Variants in TRPC4AP observed in about 807,000 individuals in gnomAD.
TRPC4AP encodes transient receptor potential cation channel subfamily C member 4 associated protein, also known as short transient receptor potential channel 4-associated protein.
TRPC4AP carries 45 observed loss-of-function variants against 99.0 expected under a neutral mutation model. That is an observed-to-expected ratio of 0.45 (90% CI 0.36 to 0.58). TRPC4AP has a LOEUF of 0.58. Among genes scored for constraint, TRPC4AP ranks in the 20% least tolerant of loss-of-function variants. TRPC4AP has a pLI of 0.00. For missense variants in TRPC4AP, 879 were observed against 985.3 expected (o/e 0.89, Z 1.44); for synonymous variants, 408 against 385.8 (o/e 1.06, Z -0.67).
chr20:35,068,325 C>G (rs963933822), intron 3 of TRPC4AP, among the ~76,000 whole-genome samples: 6 of 152,172 alleles, frequency 3.9e-5, no homozygotes, highest in African/African-American at 1.4e-4. Context: ...ACTGACAAAA[C>G]TTCTTAGGTA....
rs2082515123 is a variant in TRPC4AP, at chr20:35,006,327, C to T, written c.1827+108G>A. 5 of 1,339,326 alleles carry T rather than the reference C, an allele frequency of 3.7e-6. No individual in the cohort carries two copies. The South Asian group carries it at 5.3e-5, about 14-fold the overall frequency. 83.0% of individuals were successfully genotyped at this position (1,339,326 alleles called of 1,614,324 possible). A position where few individuals can be genotyped will look rare whatever the true frequency, so the allele number is the denominator to read the frequency against. On this transcript the variant is annotated intron_variant, in intron 15 of 18. Coordinates refer to ENST00000252015, the MANE Select transcript of TRPC4AP (RefSeq NM_015638.3). ...TGTTTGCCAAAGACTGCCCAGACTC[C>T]CCCGTCGTCTCTAACGTAAAACCTG...
chr20:35,089,207 T>C (rs140657366), intron 1 of TRPC4AP, among the ~76,000 whole-genome samples: 121 of 151,938 alleles, frequency 8.0e-4, no homozygotes, highest in African/African-American at 2.8e-3. Context: ...TGGTAAATTT[T>C]ATGTTTACAT....
intron 2 of TRPC4AP, among the ~76,000 whole-genome samples, chr20:35,070,261 T>C (rs529440317): frequency 6.6e-6 from 1 of 152,276 alleles, no homozygotes; most frequent in South Asian, 2.1e-4. Context: ...ACTAGTTCTG[T>C]AGCAATAACC....
At chr20:35,028,143 A>G (rs1324579276) in intron 8 of TRPC4AP, among the ~76,000 whole-genome samples, 15 of 152,136 alleles carry the variant, frequency 9.9e-5, no homozygotes, top group Admixed American at 9.8e-4. Context: ...AGTTCCCTCT[A>G]AGCACGCTTT....
chr20:35,036,526 C>T lies in TRPC4AP; in HGVS notation c.866-1218G>A, dbSNP rs1021702517. On this transcript the variant is annotated intron_variant, in intron 7 of 18. Transcript: ENST00000252015. ...TTAATTTTTGATACAGTGGCAGTTA[C>T]GTTTCTTAAAAGTCGTTATCATGTA... Among the ~76,000 whole-genome samples the T allele has an allele frequency of 2.0e-5, 3 of 152,298 alleles. No homozygotes were observed. In the South Asian group the frequency reaches 6.2e-4, roughly 32 times the overall value.
chr20:35,016,207 T>C, intron 9 of TRPC4AP, 68 bp from the exon 10 acceptor site: 1 of 1,576,160 alleles, frequency 6.3e-7, no homozygotes, highest in African/African-American at 1.3e-5. Context: ...AACCTCGTGC[T>C]CAGTACACAC....
chr20:35,067,797 C>A (rs1251875641), intron 3 of TRPC4AP, among the ~76,000 whole-genome samples: 1 of 151,956 alleles, frequency 6.6e-6, no homozygotes, highest in Admixed American at 6.6e-5. Flanking sequence ...AAAACGTCCA[C>A]GACAGAGAAA....
At chr20:35,014,314 ATT>A (rs66518839) in intron 10 of TRPC4AP, among the ~76,000 whole-genome samples, 4 of 113,180 alleles carry the variant, frequency 3.5e-5, no homozygotes. Flanking sequence ...CTCAGGCAGA[ATT>A]TTTTTTTTTT....
chr20:35,084,722 ATATATG>A (rs2084782137), intron 1 of TRPC4AP, among the ~76,000 whole-genome samples: 1 of 139,366 alleles, frequency 7.2e-6, no homozygotes, highest in African/African-American at 2.7e-5. Context: ...GTTTATATGC[ATATATG>A]TGTATATGTA....
intron 5 of TRPC4AP, among the ~76,000 whole-genome samples, chr20:35,051,439 C>T (rs2083698155): frequency 3.3e-5 from 5 of 152,112 alleles, no homozygotes; most frequent in Non-Finnish European, 7.3e-5. Flanking sequence ...TCCTGAATCA[C>T]TGGGACTACA....
chr20:35,068,978 CA>C (rs1555914270), intron 3 of TRPC4AP, among the ~76,000 whole-genome samples: 1 of 95,212 alleles, frequency 1.1e-5, no homozygotes, highest in Non-Finnish European at 2.2e-5. Context: ...CACACACACA[CA>C]AAAAAAACAA....
chr20:35,049,717 G>T (rs2083650716), intron 6 of TRPC4AP, 149 bp downstream of exon 6: 2 of 805,304 alleles, frequency 2.5e-6, no homozygotes, highest in Non-Finnish European at 3.7e-6. Flanking sequence ...TAGTATAAGG[G>T]GTAATCAAGT....
intron 5 of TRPC4AP, among the ~76,000 whole-genome samples, chr20:35,053,054 A>T (rs1266549931): frequency 6.6e-6 from 1 of 152,170 alleles, no homozygotes; most frequent in Non-Finnish European, 1.5e-5. Flanking sequence ...TTTATTTAAA[A>T]ATACTTTTAG....
chr20:35,086,537 G>GTATA (rs1289641922), intron 1 of TRPC4AP, among the ~76,000 whole-genome samples: 8 of 65,034 alleles, frequency 1.2e-4, no homozygotes, highest in African/African-American at 6.9e-4. Context: ...GTGTGTGTGT[G>GTATA]TGTGTGTGTG....
At chr20:35,090,933 C>G (rs1485592038) in intron 1 of TRPC4AP, among the ~76,000 whole-genome samples, 1 of 8,654 alleles carries the variant, frequency 1.2e-4, no homozygotes, top group African/African-American at 5.4e-4. Context: ...TGCCTTGTAC[C>G]GTACTTTTTC....
chr20:35,089,330 G>C, intron 1 of TRPC4AP, among the ~76,000 whole-genome samples: 1 of 151,630 alleles, frequency 6.6e-6, no homozygotes, highest in African/African-American at 2.4e-5. Flanking sequence ...AGGCTCAAGC[G>C]ATCTTCCCAC....
intron 11 of TRPC4AP, among the ~76,000 whole-genome samples, chr20:35,011,153 A>G (rs1014641484): frequency 6.6e-6 from 1 of 152,166 alleles, no homozygotes; most frequent in Non-Finnish European, 1.5e-5. Flanking sequence ...CTAGCTACTC[A>G]GGAGGCTGAG....
intron 7 of TRPC4AP, among the ~76,000 whole-genome samples, chr20:35,039,026 T>C (rs1404538326): frequency 6.6e-6 from 1 of 152,174 alleles, no homozygotes; most frequent in African/African-American, 2.4e-5. Flanking sequence ...TAAGCCAAGA[T>C]TGTGCCACTA....
chr20:35,021,301 CGT>C lies in TRPC4AP; in HGVS notation c.1105_1106del (p.Thr369ValfsTer15). On this transcript the variant is annotated frameshift_variant, in exon 9 of 19. Coordinates refer to ENST00000252015, the MANE Select transcript of TRPC4AP (RefSeq NM_015638.3). LOFTEE classifies it high-confidence loss of function. ...GASEENGLPH[T>X]SARTQLPQSM... ...ACTGGGGCAGCTGGGTTCTGGCTGA[CGT>C]GTGAGGCAGGCCATTCTCCTCAGAA... 6.2e-7 allele frequency: 1 copy of C among 1,614,170 alleles called. No homozygotes were observed. The highest frequency in any genetic ancestry group is 8.5e-7 in the Non-Finnish European group (1 of 1,180,036).
Sources: gnomAD v4.1 joint callset for allele counts (sites outside exome capture counted in the v4.1 genomes callset) on GRCh38, gnomAD v4.1.1 for gene constraint, MANE v1.5 for transcripts, NCBI Gene and HGNC (gene_info 2026-07-23, HGNC 2026-07-21) for gene names.